The following GPC3 variants were observed in gnomAD, a reference collection of about 807,000 sequenced individuals.
GPC3 encodes the protein glypican-3.
In GPC3, 3 loss-of-function variants were observed where a neutral mutation model predicts 34.4. The observed-to-expected ratio is 0.09, with a 90% confidence interval of 0.04 to 0.23. GPC3 has a LOEUF of 0.23. GPC3 is among the 10% of genes least tolerant of loss of function. The probability of loss-of-function intolerance (pLI) is 1.00; values close to 1 mark genes in which losing one functional copy is unlikely to be tolerated. For missense variants in GPC3, 351 were observed against 445.6 expected (o/e 0.79, Z 1.91); for synonymous variants, 177 against 174.0 (o/e 1.02, Z -0.13).
At chrX:133,620,886 C>A (rs2070225204) in intron 6 of GPC3, among the ~76,000 whole-genome samples, 1 of 111,300 alleles carries the variant, frequency 9.0e-6, no homozygotes, top group Non-Finnish European at 1.9e-5. Context: ...GTTTTCCTAC[C>A]TTTCCGGACC....
rs147092646 is a variant in GPC3, at chrX:133,918,547, C to A, written c.337+34503G>T. On this transcript the variant is annotated intron_variant, in intron 2 of 7. Transcript: ENST00000370818. ...GTTCCTGTCCTTGACTTTATTGCTACGCCTAGCTTTCCAAAGCAATGTTTA... is the reference window on the plus strand; with the variant it reads ...GTTCCTGTCCTTGACTTTATTGCTAAGCCTAGCTTTCCAAAGCAATGTTTA... 1.1e-3 allele frequency among the ~76,000 whole-genome samples: 118 copies of A among 112,314 alleles called. 1 individual carries two copies. Among genetic ancestry groups the A allele is most frequent in the African/African-American group, 3.6e-3 (112 of 30,963 alleles).
Position 133,596,296 on chromosome X carries a change from G to A in GPC3, c.1573+144C>T, listed in dbSNP as rs1000059655. 1.4e-5 allele frequency: 8 copies of A among 564,754 alleles called. No individual in the cohort carries two copies. In the African/African-American group the frequency reaches 1.8e-4, roughly 13 times the overall value. The allele number at this position is 564,754 out of a possible 1,213,427, so 46.5% of individuals were successfully genotyped here. A position where few individuals can be genotyped will look rare whatever the true frequency, so the allele number is the denominator to read the frequency against. On this transcript the variant is annotated intron_variant, in intron 7 of 7. Coordinates refer to ENST00000370818, the MANE Select transcript of GPC3 (RefSeq NM_004484.4). ...CTACCTGAGAACTTCACTTTCTAGA[G>A]CTTGTATAGTCTTTCCTTGAAGAGT...
chrX:133,590,108 G>A (rs2069832698), intron 7 of GPC3, among the ~76,000 whole-genome samples: 1 of 110,871 alleles, frequency 9.0e-6, no homozygotes, highest in African/African-American at 3.3e-5. Context: ...GCCATGTGAG[G>A]ACACAGCATC....
At chrX:133,897,721 C>G (rs1171758583) in intron 2 of GPC3, among the ~76,000 whole-genome samples, 1 of 111,202 alleles carries the variant, frequency 9.0e-6, no homozygotes, top group Non-Finnish European at 1.9e-5. Context: ...ATCACTTTAG[C>G]CTCAAATAAA....
intron 3 of GPC3, among the ~76,000 whole-genome samples, chrX:133,726,537 T>C (rs951123870): frequency 3.6e-5 from 4 of 111,197 alleles, no homozygotes; most frequent in African/African-American, 1.3e-4. Context: ...TGTCCCCTAA[T>C]TATTCACTTC....
At chrX:133,567,441 G>A (rs182784503) in intron 7 of GPC3, among the ~76,000 whole-genome samples, 131 of 112,150 alleles carry the variant, frequency 1.2e-3, no homozygotes, top group African/African-American at 4.1e-3. Flanking sequence ...GAATATTAAA[G>A]AGCTGCATAT....
At chrX:133,554,733 A>G (rs1296076169) in intron 7 of GPC3, among the ~76,000 whole-genome samples, 1 of 111,477 alleles carries the variant, frequency 9.0e-6, no homozygotes, top group African/African-American at 3.3e-5. Flanking sequence ...GAATTAGCTT[A>G]GACTGTGTGG....
chrX:133,764,551 T>C (rs2071828714), intron 2 of GPC3, among the ~76,000 whole-genome samples: 1 of 111,985 alleles, frequency 8.9e-6, no homozygotes, highest in Non-Finnish European at 1.9e-5. Context: ...TAAGGCTACC[T>C]TCATCATCGC....
intron 3 of GPC3, among the ~76,000 whole-genome samples, chrX:133,717,267 T>G (rs2071323602): frequency 9.0e-6 from 1 of 111,071 alleles, no homozygotes; most frequent in African/African-American, 3.3e-5. Flanking sequence ...TGGCTATAGT[T>G]GCTTTCTCTT....
At chrX:133,566,013 A>T (rs948180929) in intron 7 of GPC3, among the ~76,000 whole-genome samples, 4 of 112,623 alleles carry the variant, frequency 3.6e-5, no homozygotes, top group African/African-American at 1.3e-4. Context: ...AAAGTTTTTC[A>T]TATAAGGCTT....
chrX:133,557,779 C>T (rs191075777), intron 7 of GPC3, among the ~76,000 whole-genome samples: 4 of 111,152 alleles, frequency 3.6e-5, no homozygotes, highest in Admixed American at 9.6e-5. Flanking sequence ...CCCACTTGAC[C>T]GAGAGTTTTT....
intron 5 of GPC3, among the ~76,000 whole-genome samples, chrX:133,678,787 G>A (rs1000767862): frequency 8.9e-6 from 1 of 111,755 alleles, no homozygotes; most frequent in African/African-American, 3.3e-5. Context: ...AAAAATAGGG[G>A]TTTCTTAAAT....
chrX:133,635,059 C>T (rs1401338213), intron 6 of GPC3, among the ~76,000 whole-genome samples: 2 of 111,207 alleles, frequency 1.8e-5, no homozygotes, highest in African/African-American at 6.5e-5. Context: ...AACACATTAA[C>T]TCCATGAAGT....
intron 3 of GPC3, among the ~76,000 whole-genome samples, chrX:133,747,676 C>A (rs966290974): frequency 9.0e-6 from 1 of 111,639 alleles, no homozygotes; most frequent in Non-Finnish European, 1.9e-5. Context: ...CACCTACTAG[C>A]CAAGTGACCG....
chrX:133,901,630 G>A (rs1254970980), intron 2 of GPC3, among the ~76,000 whole-genome samples: 1 of 109,950 alleles, frequency 9.1e-6, no homozygotes, highest in Non-Finnish European at 1.9e-5. Context: ...TAGTAGAGAT[G>A]GGGTTTCACC....
At chrX:133,663,618 G>C (rs2070744684) in intron 5 of GPC3, among the ~76,000 whole-genome samples, 1 of 111,658 alleles carries the variant, frequency 9.0e-6, no homozygotes, top group African/African-American at 3.3e-5. Flanking sequence ...CTCTGAGATA[G>C]TTTGTGTGTT....
At chrX:133,671,096 T>G in intron 5 of GPC3, 1 of 692,521 alleles carries the variant, frequency 1.4e-6, no homozygotes, top group Non-Finnish European at 2.3e-6. Context: ...AAATTTAGAG[T>G]GCCTAAGACA....
chrX:133,961,802 T>C (rs1393326872), intron 1 of GPC3, among the ~76,000 whole-genome samples: 1 of 112,016 alleles, frequency 8.9e-6, no homozygotes, highest in Non-Finnish European at 1.9e-5. Context: ...TTTTGCTTTC[T>C]AAATGTAATC....
At chrX:133,864,426 T>G (rs1483875086) in intron 2 of GPC3, among the ~76,000 whole-genome samples, 1 of 111,698 alleles carries the variant, frequency 9.0e-6, no homozygotes, top group Non-Finnish European at 1.9e-5. Flanking sequence ...GACAGTAAGG[T>G]CCTGGGAATT....
Sources: gnomAD v4.1 joint callset for allele counts (sites outside exome capture counted in the v4.1 genomes callset) on GRCh38, gnomAD v4.1.1 for gene constraint, MANE v1.5 for transcripts, NCBI Gene and HGNC (gene_info 2026-07-23, HGNC 2026-07-21) for gene names.